DSCAM: variants seen among roughly 807,000 people sequenced by gnomAD.
DSCAM encodes DS cell adhesion molecule.
In DSCAM, 47 loss-of-function variants were observed where a neutral mutation model predicts 217.7. The ratio of observed to expected loss-of-function variants is 0.22; its 90% confidence interval spans 0.17 to 0.28. DSCAM has a LOEUF of 0.28. Among genes scored for constraint, DSCAM ranks in the 10% least tolerant of loss-of-function variants. The probability of loss-of-function intolerance (pLI) is 1.00; values close to 1 mark genes in which losing one functional copy is unlikely to be tolerated. For synonymous variants in DSCAM, 1,056 were observed against 1,015.3 expected, an observed-to-expected ratio of 1.04 and a Z score of -0.76; for missense variants, 2,080 against 2,618.3, an observed-to-expected ratio of 0.79 and a Z score of 4.49.
At position 40,134,023 on chromosome 21, in the gene DSCAM, AC is replaced by A; in HGVS notation, c.3407-15del. 1 of 1,600,594 alleles carries A rather than the reference AC, an allele frequency of 6.2e-7. No homozygotes were observed. Among genetic ancestry groups the A allele is most frequent in the Non-Finnish European group, 8.5e-7 (1 of 1,174,150 alleles). On this transcript the variant is annotated splice_polypyrimidine_tract_variant and intron_variant, in intron 18 of 32. Transcript: ENST00000400454. ...TCTCACCCAGCTCTGGAGGACAAGA[AC>A]AAGAAAACAAAATCCCACTTCTGAG... is the stretch of plus-strand genomic sequence containing the variant.
intron 3 of DSCAM, among the ~76,000 whole-genome samples, chr21:40,653,866 G>A (rs560976683): frequency 6.6e-6 from 1 of 152,270 alleles, no homozygotes; most frequent in Non-Finnish European, 1.5e-5. Flanking sequence ...GGAGGCCAAG[G>A]CAGGCAGATC....
intron 11 of DSCAM, among the ~76,000 whole-genome samples, chr21:40,194,751 T>G (rs2090989486): frequency 6.6e-6 from 1 of 152,178 alleles, no homozygotes; most frequent in Non-Finnish European, 1.5e-5. Flanking sequence ...AGTGGTGTAG[T>G]GGAGCTGCTG....
chr21:40,322,521 AT>A (rs35377807), intron 8 of DSCAM, among the ~76,000 whole-genome samples: 71,868 of 148,110 alleles, frequency 0.49, 17,545 homozygotes, highest in South Asian at 0.58. Context: ...AGCGGGAGCA[AT>A]TTTTTTTTTT....
At chr21:40,375,546 A>G (rs1454663430) in intron 3 of DSCAM, among the ~76,000 whole-genome samples, 1 of 152,220 alleles carries the variant, frequency 6.6e-6, no homozygotes, top group Non-Finnish European at 1.5e-5. Context: ...ATTTCCAGCA[A>G]AGTCACATGA....
At chr21:40,315,513 C>A (rs2074186849) in intron 8 of DSCAM, among the ~76,000 whole-genome samples, 1 of 151,960 alleles carries the variant, frequency 6.6e-6, no homozygotes, top group African/African-American at 2.4e-5. Flanking sequence ...TATGCACATA[C>A]AAATTTTCAA....
intron 3 of DSCAM, among the ~76,000 whole-genome samples, chr21:40,662,295 T>A (rs2090147235): frequency 6.6e-6 from 1 of 152,218 alleles, no homozygotes; most frequent in Non-Finnish European, 1.5e-5. Context: ...TTTCCTTTTT[T>A]TAATCCTCTA....
In DSCAM at chr21:40,081,367, G is replaced by T. The variant is rs371813170; in HGVS notation, c.4232-1027C>A. Among the ~76,000 whole-genome samples the T allele has an allele frequency of 3.3e-5, 5 of 152,114 alleles. No individual in the cohort carries two copies. In the East Asian group the frequency reaches 7.7e-4, roughly 24 times the overall value. ...TACAGTGTCTCCTAAACCCAAATGG[G>T]CAGGTTTGCTGATTTCCACACCCCT... On this transcript the variant is annotated intron_variant, in intron 24 of 32. Transcript: ENST00000400454.
In DSCAM at chr21:40,777,545, C is replaced by T. The variant is rs190980673; in HGVS notation, c.44-68774G>A. ...GTTGGATGAAACACAATTCAGAAAACGGGAGAAAACGAAAATAATCATCAT... is the reference window on the plus strand; with the variant it reads ...GTTGGATGAAACACAATTCAGAAAATGGGAGAAAACGAAAATAATCATCAT... On this transcript the variant is annotated intron_variant, in intron 1 of 32. Coordinates refer to ENST00000400454, the MANE Select transcript of DSCAM (RefSeq NM_001389.5). Among the ~76,000 whole-genome samples the T allele has an allele frequency of 1.4e-3, 214 of 151,982 alleles. 2 individuals carry two copies. The highest frequency in any genetic ancestry group is 4.0e-3 in the African/African-American group (165 of 41,472).
chr21:40,069,865 A>G (rs982215186), intron 27 of DSCAM, among the ~76,000 whole-genome samples: 1 of 152,208 alleles, frequency 6.6e-6, no homozygotes, highest in Admixed American at 6.5e-5. Flanking sequence ...AGCTAATTTG[A>G]AAACTGTGGC....
chr21:40,248,606 G>C (rs13052099), intron 11 of DSCAM, among the ~76,000 whole-genome samples: 71,295 of 152,004 alleles, frequency 0.47, 17,117 homozygotes, highest in African/African-American at 0.53. Flanking sequence ...TCAGCATTTT[G>C]GGCAAAGCCA....
chr21:40,501,526 G>A (rs1192909339), intron 3 of DSCAM, among the ~76,000 whole-genome samples: 2 of 151,678 alleles, frequency 1.3e-5, no homozygotes, highest in Non-Finnish European at 2.9e-5. Flanking sequence ...TGATTTCACT[G>A]AGGTCATCCA....
chr21:40,282,538 C>G (rs1350697230), intron 10 of DSCAM, among the ~76,000 whole-genome samples: 1 of 137,222 alleles, frequency 7.3e-6, no homozygotes. Context: ...TTGCAGTGAG[C>G]CAAGACAGCG....
Position 40,265,064 on chromosome 21 carries a change from G to C in DSCAM, c.2356+11033C>G, listed in dbSNP as rs764192191. On this transcript the variant is annotated intron_variant, in intron 11 of 32. Coordinates refer to ENST00000400454, the MANE Select transcript of DSCAM (RefSeq NM_001389.5). ...AAAAATTAGCCAGGTGTAGTGACAG[G>C]CATCTATAATCCCAGCTACTCGGGA... is the stretch of plus-strand genomic sequence containing the variant. 2.9e-3 allele frequency among the ~76,000 whole-genome samples: 401 copies of C among 140,578 alleles called. 4 individuals are homozygous for C. Among genetic ancestry groups the C allele is most frequent in the Non-Finnish European group, 2.3e-3 (156 of 67,696 alleles). The allele number at this position is 140,578 out of a possible 152,430, so 92.2% of individuals were successfully genotyped here.
At chr21:40,746,831 T>C (rs2091179670) in intron 1 of DSCAM, among the ~76,000 whole-genome samples, 1 of 151,860 alleles carries the variant, frequency 6.6e-6, no homozygotes, top group African/African-American at 2.4e-5. Flanking sequence ...AAAACAAGTC[T>C]TAGAAATTTT....
chr21:40,500,148 T>C (rs1332456464), intron 3 of DSCAM, among the ~76,000 whole-genome samples: 1 of 152,168 alleles, frequency 6.6e-6, no homozygotes, highest in Non-Finnish European at 1.5e-5. Context: ...AAAAGGGAGA[T>C]TGCAGGAAAA....
intron 11 of DSCAM, among the ~76,000 whole-genome samples, chr21:40,203,442 A>G (rs2091091852): frequency 6.6e-6 from 1 of 152,346 alleles, no homozygotes; most frequent in East Asian, 1.9e-4. Context: ...GGGCTGCTTT[A>G]CATCTGTTCT....
At chr21:40,796,147 C>T (rs2091689683) in intron 1 of DSCAM, among the ~76,000 whole-genome samples, 1 of 152,174 alleles carries the variant, frequency 6.6e-6, no homozygotes, top group South Asian at 2.1e-4. Context: ...CCCTTTCCTG[C>T]AGGAGGCCAT....
intron 2 of DSCAM, among the ~76,000 whole-genome samples, chr21:40,708,104 G>A (rs1051770322): frequency 2.0e-5 from 3 of 148,914 alleles, no homozygotes; most frequent in Non-Finnish European, 4.4e-5. Flanking sequence ...CTAGGATGGG[G>A]TAGGGGAAGG....
chr21:40,336,249 C>T (rs1035366545), intron 8 of DSCAM, among the ~76,000 whole-genome samples: 10 of 152,116 alleles, frequency 6.6e-5, no homozygotes, highest in African/African-American at 1.9e-4. Context: ...TACCTAAAAA[C>T]GATGGTTATG....
Sources: allele counts gnomAD v4.1 joint callset (sites outside exome capture counted in the v4.1 genomes callset), GRCh38; gene constraint gnomAD v4.1.1; transcripts MANE v1.5; gene names NCBI Gene and HGNC (gene_info 2026-07-23, HGNC 2026-07-21).